The following GRM8 variants were observed in gnomAD, a reference collection of about 807,000 sequenced individuals.
GRM8 encodes metabotropic glutamate receptor 8.
Under a neutral mutation model 87.2 loss-of-function variants are expected in GRM8, and 47 were observed. That is an observed-to-expected ratio of 0.54 (90% CI 0.43 to 0.69). The LOEUF (loss-of-function observed/expected upper bound fraction) is 0.69, where lower values mean the gene tolerates loss of function less well. GRM8 is among the 30% of genes least tolerant of loss of function. The pLI is 0.00. For synonymous variants in GRM8, 396 were observed against 404.5 expected (o/e 0.98, Z 0.25); for missense variants, 1,019 against 1,139.2 (o/e 0.89, Z 1.52).
chr7:126,868,034 T>C (rs1798755763), intron 6 of GRM8, among the ~76,000 whole-genome samples: 2 of 152,182 alleles, frequency 1.3e-5, no homozygotes, highest in South Asian at 4.1e-4. Context: ...TGGTAAGACA[T>C]AGAGCTTGGC....
intron 2 of GRM8, among the ~76,000 whole-genome samples, chr7:127,153,888 T>C (rs1318951411): frequency 6.6e-6 from 1 of 152,010 alleles, no homozygotes; most frequent in Non-Finnish European, 1.5e-5. Context: ...AACATATACA[T>C]AAAGAAAAAC....
At chr7:126,699,714 T>A (rs1031310184) in intron 7 of GRM8, among the ~76,000 whole-genome samples, 5 of 152,196 alleles carry the variant, frequency 3.3e-5, no homozygotes, top group Admixed American at 6.5e-5. Flanking sequence ...GATGAAGTTC[T>A]CCCTTTGGTG....
intron 2 of GRM8, among the ~76,000 whole-genome samples, chr7:127,219,064 C>A (rs1370880552): frequency 6.6e-6 from 1 of 152,154 alleles, no homozygotes; most frequent in Admixed American, 6.5e-5. Flanking sequence ...ATGTGTTTGC[C>A]ACATAAAAGC....
intron 7 of GRM8, among the ~76,000 whole-genome samples, chr7:126,695,039 T>C (rs1158908724): frequency 6.6e-6 from 1 of 152,192 alleles, no homozygotes; most frequent in African/African-American, 2.4e-5. Flanking sequence ...TAAAATATCA[T>C]GATTTTTAAG....
At chr7:126,769,802 A>T in intron 7 of GRM8, 63 bp downstream of exon 7, 1 of 1,044,896 alleles carries the variant, frequency 9.6e-7, no homozygotes, top group Non-Finnish European at 1.5e-6. Context: ...TCTTCTATAT[A>T]TAGGAGGAAA....
rs146063965 is a variant in GRM8, at chr7:126,725,182, T to C, written c.1357+44683A>G. ...GGCTTCTCTAAGGGTAGTTTTATTA[T>C]ACTTGGTAATGAAAGAAAGTGATCT... On this transcript the variant is annotated intron_variant, in intron 7 of 10. Coordinates refer to ENST00000339582, the MANE Select transcript of GRM8 (RefSeq NM_000845.3). Among the ~76,000 whole-genome samples, 149 of 152,352 alleles carry C rather than the reference T, an allele frequency of 9.8e-4. 1 individual carries two copies. Among genetic ancestry groups the C allele is most frequent in the African/African-American group, 3.6e-3 (148 of 41,588 alleles).
chr7:127,153,564 G>T (rs1046999059), intron 2 of GRM8, among the ~76,000 whole-genome samples: 12 of 152,110 alleles, frequency 7.9e-5, no homozygotes, highest in African/African-American at 2.9e-4. Flanking sequence ...ACTTGAAAGA[G>T]TCACTTTGGG....
intron 3 of GRM8, among the ~76,000 whole-genome samples, chr7:127,019,855 T>G (rs931565351): frequency 6.6e-6 from 1 of 152,072 alleles, no homozygotes; most frequent in Non-Finnish European, 1.5e-5. Flanking sequence ...TTAAATGAGA[T>G]CCTTTATAAA....
At chr7:127,143,065 C>T (rs1828365417) in intron 2 of GRM8, among the ~76,000 whole-genome samples, 1 of 152,138 alleles carries the variant, frequency 6.6e-6, no homozygotes, top group Non-Finnish European at 1.5e-5. Context: ...CAGTCCAAGT[C>T]ATTCCCCTTC....
intron 3 of GRM8, among the ~76,000 whole-genome samples, chr7:127,001,132 T>C (rs1267853447): frequency 6.6e-6 from 1 of 151,630 alleles, no homozygotes; most frequent in Non-Finnish European, 1.5e-5. Flanking sequence ...ATCAATTAGC[T>C]TCTGACAAAG....
intron 3 of GRM8, among the ~76,000 whole-genome samples, chr7:126,978,390 C>A (rs1373316169): frequency 6.6e-6 from 1 of 152,132 alleles, no homozygotes; most frequent in Non-Finnish European, 1.5e-5. Flanking sequence ...TCAATAATAT[C>A]CAAGAATTCC....
chr7:127,251,514 C>G (rs1452120624), intron 1 of GRM8, among the ~76,000 whole-genome samples: 3 of 152,170 alleles, frequency 2.0e-5, no homozygotes, highest in African/African-American at 7.2e-5. Context: ...CCAGGAGCCC[C>G]TGTTTCCCAG....
chr7:127,116,431 A>G (rs1040103675), intron 2 of GRM8, among the ~76,000 whole-genome samples: 4 of 152,208 alleles, frequency 2.6e-5, no homozygotes, highest in Admixed American at 2.0e-4. Context: ...CCCTGGAGAC[A>G]GGACTGTAAA....
chr7:126,521,827 T>G (rs1024540720), intron 9 of GRM8, among the ~76,000 whole-genome samples: 5 of 152,206 alleles, frequency 3.3e-5, no homozygotes, highest in Admixed American at 6.5e-5. Context: ...TAATTTGGCT[T>G]TTATTTCTAA....
At chr7:126,984,640 A>G (rs2131887219) in intron 3 of GRM8, among the ~76,000 whole-genome samples, 1 of 152,292 alleles carries the variant, frequency 6.6e-6, no homozygotes. Flanking sequence ...GTGAGTTAAT[A>G]CTACTTAATA....
intron 3 of GRM8, among the ~76,000 whole-genome samples, chr7:126,954,992 G>A (rs1808527204): frequency 6.6e-6 from 1 of 152,148 alleles, no homozygotes; most frequent in Non-Finnish European, 1.5e-5. Context: ...AATAATTACT[G>A]TCAGGCTTCA....
chr7:126,652,232 G>T (rs1054323755), intron 7 of GRM8, among the ~76,000 whole-genome samples: 5 of 152,196 alleles, frequency 3.3e-5, no homozygotes, highest in Admixed American at 6.5e-5. Flanking sequence ...TTGGGTTGGG[G>T]ATTGGTGCAT....
At chr7:126,596,080 C>A (rs1307811166) in intron 8 of GRM8, among the ~76,000 whole-genome samples, 1 of 152,168 alleles carries the variant, frequency 6.6e-6, no homozygotes, top group Non-Finnish European at 1.5e-5. Flanking sequence ...GCTGAGATAG[C>A]ACCACTGCTC....
chr7:126,890,274 A>G (rs899687970), intron 6 of GRM8, among the ~76,000 whole-genome samples: 15 of 152,126 alleles, frequency 9.9e-5, no homozygotes, highest in African/African-American at 3.6e-4. Flanking sequence ...AGTATCTGTT[A>G]TATTCCCTAT....
Sources: gnomAD v4.1 joint callset for allele counts (sites outside exome capture counted in the v4.1 genomes callset) on GRCh38, gnomAD v4.1.1 for gene constraint, MANE v1.5 for transcripts, NCBI Gene and HGNC (gene_info 2026-07-23, HGNC 2026-07-21) for gene names.